Variants in APBB2 observed in about 807,000 individuals in gnomAD.
APBB2 encodes amyloid beta precursor protein binding family B member 2, also known as Fe65-like 1.
Under a neutral mutation model 82.5 loss-of-function variants are expected in APBB2, and 38 were observed. The observed-to-expected ratio is 0.46, with a 90% CI of 0.36 to 0.60. APBB2 has a LOEUF of 0.60. APBB2 is among the 20% of genes least tolerant of loss of function. The probability of loss-of-function intolerance (pLI) is 0.00; values close to 1 mark genes in which losing one functional copy is unlikely to be tolerated. For missense variants in APBB2, 772 were observed against 972.3 expected (o/e 0.79, Z 2.74); for synonymous variants, 341 against 368.2 (o/e 0.93, Z 0.85).
At chr4:41,064,195 G>T (rs989773510) in intron 4 of APBB2, among the ~76,000 whole-genome samples, 7 of 151,196 alleles carry the variant, frequency 4.6e-5, no homozygotes, top group African/African-American at 1.7e-4. Context: ...AGCCAGGATG[G>T]TCTCCATCTC....
chr4:41,102,487 G>A (rs1256185321), intron 2 of APBB2, among the ~76,000 whole-genome samples: 1 of 152,150 alleles, frequency 6.6e-6, no homozygotes, highest in Non-Finnish European at 1.5e-5. Flanking sequence ...AGAACAATTT[G>A]AGTGTAACTC....
intron 6 of APBB2, among the ~76,000 whole-genome samples, chr4:41,005,941 A>G (rs1358474368): frequency 1.3e-5 from 2 of 152,172 alleles, no homozygotes; most frequent in East Asian, 3.8e-4. Context: ...TTAGCACTCA[A>G]GCCTCTCACA....
intron 5 of APBB2, among the ~76,000 whole-genome samples, chr4:41,032,115 G>GA (rs748946091): frequency 6.6e-6 from 1 of 152,112 alleles, no homozygotes; most frequent in Non-Finnish European, 1.5e-5. Flanking sequence ...AATATAACAT[G>GA]AAAAATGTCA....
chr4:41,054,426 T>C (rs1358197220), intron 4 of APBB2, among the ~76,000 whole-genome samples: 1 of 152,040 alleles, frequency 6.6e-6, no homozygotes, highest in Non-Finnish European at 1.5e-5. Context: ...TCGAGGCTGA[T>C]CTCCACACCA....
At chr4:41,104,701 TC>T (rs1276914730) in intron 2 of APBB2, among the ~76,000 whole-genome samples, 1 of 152,214 alleles carries the variant, frequency 6.6e-6, no homozygotes, top group Non-Finnish European at 1.5e-5. Context: ...CATCTTTGTG[TC>T]CATACATACT....
chr4:41,034,342 T>C (rs2154443506), intron 4 of APBB2, among the ~76,000 whole-genome samples: 1 of 152,294 alleles, frequency 6.6e-6, no homozygotes, highest in South Asian at 2.1e-4. Flanking sequence ...TTTGTTTTTT[T>C]GCAACGGAGT....
At chr4:41,042,137 C>T (rs1447310683) in intron 4 of APBB2, among the ~76,000 whole-genome samples, 8 of 151,920 alleles carry the variant, frequency 5.3e-5, no homozygotes, top group Non-Finnish European at 1.2e-4. Context: ...ACTACAGGTG[C>T]GCACCACCAC....
chr4:40,901,228 T>C (rs2154356988), intron 10 of APBB2, among the ~76,000 whole-genome samples: 1 of 152,230 alleles, frequency 6.6e-6, no homozygotes, highest in South Asian at 2.1e-4. Context: ...CATGATGAAA[T>C]GGGATGACTT....
At chr4:40,859,503 C>T (rs1396210007) in intron 12 of APBB2, among the ~76,000 whole-genome samples, 3 of 152,148 alleles carry the variant, frequency 2.0e-5, no homozygotes, top group Admixed American at 1.3e-4. Context: ...CCGCACCCGG[C>T]CTGCAGTAGT....
chr4:41,030,185 T>C (rs1716176285), intron 5 of APBB2, among the ~76,000 whole-genome samples: 1 of 151,922 alleles, frequency 6.6e-6, no homozygotes, highest in Admixed American at 6.6e-5. Flanking sequence ...AGCCGGATCT[T>C]GAAGGGTGGA....
intron 12 of APBB2, among the ~76,000 whole-genome samples, chr4:40,876,528 AC>A (rs1018576076): frequency 6.6e-6 from 1 of 152,180 alleles, no homozygotes; most frequent in Non-Finnish European, 1.5e-5. Flanking sequence ...TGCTGTATAT[AC>A]CGTTGTCGCT....
chr4:40,818,970 C>T (rs1350557059), intron 17 of APBB2, among the ~76,000 whole-genome samples: 2 of 152,148 alleles, frequency 1.3e-5, no homozygotes, highest in Non-Finnish European at 2.9e-5. Context: ...TCATCTCAGC[C>T]TCCTGAGTAG....
At chr4:41,164,784 G>A (rs1766065979) in intron 1 of APBB2, among the ~76,000 whole-genome samples, 2 of 152,166 alleles carry the variant, frequency 1.3e-5, no homozygotes, top group African/African-American at 2.4e-5. Context: ...TGTTCTAAGA[G>A]CCAATAGAAG....
chr4:40,907,369 ATATATATATATTT>A lies in APBB2; in HGVS notation c.1255-13971_1255-13959del, dbSNP rs1353368800. 1.1e-3 allele frequency among the ~76,000 whole-genome samples: 99 copies of A among 87,356 alleles called. 1 individual carries two copies. The East Asian group carries it at 0.025, about 22-fold the overall frequency. The allele number at this position is 87,356 out of a possible 152,430, so 57.3% of individuals were successfully genotyped here. A position where few individuals can be genotyped will look rare whatever the true frequency, so the allele number is the denominator to read the frequency against. ...ATTACATATATATATATATATATAT[ATATATATATATTT>A]TTTTTTTTTTTTTTTTTTAGACAGA... On this transcript the variant is annotated intron_variant, in intron 10 of 17. Transcript: ENST00000508593.
intron 1 of APBB2, among the ~76,000 whole-genome samples, chr4:41,172,372 C>T (rs1211055568): frequency 6.6e-6 from 1 of 152,128 alleles, no homozygotes; most frequent in Non-Finnish European, 1.5e-5. Context: ...TTCTACTCAT[C>T]AAGATATACT....
At chr4:40,876,171 C>T (rs890490749) in intron 12 of APBB2, among the ~76,000 whole-genome samples, 1 of 152,208 alleles carries the variant, frequency 6.6e-6, no homozygotes, top group Non-Finnish European at 1.5e-5. Context: ...CATGCACTCA[C>T]TGCATATTTT....
At position 41,214,399 on chromosome 4, in the gene APBB2, G is replaced by T. The variant is rs11936535; in HGVS notation, c.-417+6C>A. The T allele has an allele frequency of 6.6e-6, 1 of 152,356 alleles. No homozygotes were observed. Among genetic ancestry groups the T allele is most frequent in the African/African-American group, 2.4e-5 (1 of 41,464 alleles). The allele number at this position is 152,356 out of a possible 1,614,324, so 9.4% of individuals were successfully genotyped here. A position where few individuals can be genotyped will look rare whatever the true frequency, so the allele number is the denominator to read the frequency against. ...GGGCAAAGGCAAGGAAGAAAGCTGG[G>T]CTCACCAGTGGTGCGCGCGGCGCTC... On this transcript the variant is annotated splice_donor_region_variant and intron_variant, in intron 1 of 17. Coordinates refer to ENST00000508593, the MANE Select transcript of APBB2 (RefSeq NM_004307.2).
chr4:40,856,061 G>A (rs186561060), intron 12 of APBB2, among the ~76,000 whole-genome samples: 2 of 152,120 alleles, frequency 1.3e-5, no homozygotes, highest in Non-Finnish European at 2.9e-5. Flanking sequence ...CTCGGCTGGA[G>A]GAAGGGCCAA....
intron 12 of APBB2, among the ~76,000 whole-genome samples, chr4:40,886,228 C>T (rs924597437): frequency 6.6e-6 from 1 of 152,206 alleles, no homozygotes; most frequent in African/African-American, 2.4e-5. Flanking sequence ...CCTGTAATCC[C>T]GGCACTTTGG....
Sources: allele counts gnomAD v4.1 joint callset (sites outside exome capture counted in the v4.1 genomes callset), GRCh38; gene constraint gnomAD v4.1.1; transcripts MANE v1.5; gene names NCBI Gene and HGNC (gene_info 2026-07-23, HGNC 2026-07-21).